ANKRD28: variants seen among roughly 807,000 people sequenced by gnomAD.
ANKRD28 encodes the protein ankyrin repeat domain 28, also known as serine/threonine-protein phosphatase 6 regulatory ankyrin repeat subunit A.
Under a neutral mutation model 126.5 loss-of-function variants are expected in ANKRD28, and 44 were observed. The observed-to-expected ratio is 0.35, with a 90% CI of 0.27 to 0.45. The LOEUF (loss-of-function observed/expected upper bound fraction) is 0.45, where lower values mean the gene tolerates loss of function less well. ANKRD28 is among the 20% of genes least tolerant of loss of function. The pLI is 1.00. For synonymous variants in ANKRD28, 442 were observed against 468.5 expected, an observed-to-expected ratio of 0.94 and a Z score of 0.73; for missense variants, 1,110 against 1,316.6, an observed-to-expected ratio of 0.84 and a Z score of 2.43.
At chr3:15,805,995 A>G (rs2060568947) in intron 1 of ANKRD28, among the ~76,000 whole-genome samples, 2 of 152,212 alleles carry the variant, frequency 1.3e-5, no homozygotes, top group South Asian at 4.1e-4. Flanking sequence ...TTTCTGAACC[A>G]TATTGGAGAC....
intron 14 of ANKRD28, among the ~76,000 whole-genome samples, chr3:15,704,080 C>G (rs2125987250): frequency 6.6e-6 from 1 of 152,222 alleles, no homozygotes; most frequent in East Asian, 1.9e-4. Context: ...ACATCCTGCT[C>G]AAAGACAGCC....
chr3:15,686,306 G>A lies in ANKRD28; in HGVS notation c.1967C>T (p.Thr656Ile), dbSNP rs776861316. 4.4e-6 allele frequency: 7 copies of A among 1,574,678 alleles called. No individual in the cohort carries two copies. The highest frequency in any genetic ancestry group is 6.0e-6 in the Non-Finnish European group (7 of 1,157,738). Residue 656 changes from threonine (T) to isoleucine (I), a missense_variant, in exon 19 of 28, where the codon ACA (threonine) becomes ATA (isoleucine). Transcript: ENST00000683139. The part of the protein sequence containing the change: ...LKRTPIHAAA[T>I]NGHSECLRLL... ...CCGTAAGCATTCTGAATGACCATTTGTTGCTGTAAAGTGAAATTTAAACAT... is the reference window on the plus strand; with the variant it reads ...CCGTAAGCATTCTGAATGACCATTTATTGCTGTAAAGTGAAATTTAAACAT...
chr3:15,743,043 CT>C (rs1372578436), intron 4 of ANKRD28, among the ~76,000 whole-genome samples: 2 of 152,092 alleles, frequency 1.3e-5, no homozygotes, highest in East Asian at 3.9e-4. Context: ...AAAAATTCTT[CT>C]GCCTTGTGAT....
chr3:15,672,934 CCTGG>C (rs569546189), intron 27 of ANKRD28, among the ~76,000 whole-genome samples: 111 of 152,322 alleles, frequency 7.3e-4, no homozygotes, highest in South Asian at 3.1e-3. Flanking sequence ...TGCCACCACA[CCTGG>C]CTAATTTTTG....
intron 7 of ANKRD28, 120 bp downstream of exon 7, chr3:15,724,262 C>A: frequency 1.2e-6 from 1 of 855,854 alleles, no homozygotes; most frequent in South Asian, 2.2e-5. Context: ...TATAAATATC[C>A]AATTAAAACA....
chr3:15,796,581 C>A lies in ANKRD28; in HGVS notation c.-60G>T. ...GATAAAAGTCACAGTTGGAAGAGCA[C>A]AAGTAGTTTTTCCTCCTCTTCTGTA... On this transcript the variant is annotated 5_prime_UTR_variant, in exon 1 of 28. Transcript: ENST00000683139. 8.2e-7 allele frequency: 1 copy of A among 1,221,792 alleles called. No individual in the cohort carries two copies. The highest frequency in any genetic ancestry group is 1.1e-6 in the Non-Finnish European group (1 of 950,176). The allele number at this position is 1,221,792 out of a possible 1,614,324, so 75.7% of individuals were successfully genotyped here.
intron 21 of ANKRD28, among the ~76,000 whole-genome samples, chr3:15,682,727 CTAGT>C (rs762348027): frequency 2.0e-5 from 3 of 152,128 alleles, no homozygotes; most frequent in Non-Finnish European, 2.9e-5. Flanking sequence ...ACAATAATTA[CTAGT>C]TAAAGTAAAA....
intron 1 of ANKRD28, among the ~76,000 whole-genome samples, chr3:15,819,138 C>T (rs571449458): frequency 7.9e-5 from 12 of 152,104 alleles, no homozygotes; most frequent in African/African-American, 2.9e-4. Context: ...ATTAAGCAGG[C>T]ATGATGGCGT....
rs61397225 is a variant in ANKRD28 at position 15,812,170 on chromosome 3, AAAACG to A, written c.28-16869_28-16865del. 0.043 allele frequency among the ~76,000 whole-genome samples: 5,433 copies of A among 126,172 alleles called. 156 individuals are homozygous for A. The highest frequency in any genetic ancestry group is 0.11 in the South Asian group (406 of 3,574). The allele number at this position is 126,172 out of a possible 152,430, so 82.8% of individuals were successfully genotyped here. Reference sequence around the variant, plus strand: ...TCTGGCAAACAAAACAAAACAAAACAAAACGAAACCCAAAACAACAATAAAATGTT... The same window carrying A: ...TCTGGCAAACAAAACAAAACAAAACAAAACCCAAAACAACAATAAAATGTT... On this transcript the variant is annotated intron_variant, in intron 1 of 27. Coordinates refer to the ANKRD28 transcript ENST00000399451. The surrounding 1 kb of genome is among the most constrained non-coding windows in gnomAD (Gnocchi z 4.1).
At chr3:15,715,881 A>C (rs1174301068) in intron 8 of ANKRD28, among the ~76,000 whole-genome samples, 2 of 152,168 alleles carry the variant, frequency 1.3e-5, no homozygotes, top group Admixed American at 6.5e-5. Flanking sequence ...AACCAGAAAA[A>C]AAAAGGGCAA....
intron 21 of ANKRD28, among the ~76,000 whole-genome samples, chr3:15,680,750 C>G (rs1284555428): frequency 6.6e-6 from 1 of 151,414 alleles, no homozygotes; most frequent in East Asian, 1.9e-4. Flanking sequence ...TCTGCAGTCT[C>G]AACCTCCTGG....
intron 2 of ANKRD28, among the ~76,000 whole-genome samples, chr3:15,771,974 T>C (rs1024759839): frequency 6.6e-6 from 1 of 152,180 alleles, no homozygotes; most frequent in African/African-American, 2.4e-5. Flanking sequence ...AGAAAACTAC[T>C]TCTAAATAAC....
chr3:15,723,040 A>G (rs1264366610), intron 7 of ANKRD28, among the ~76,000 whole-genome samples: 2 of 152,238 alleles, frequency 1.3e-5, no homozygotes, highest in East Asian at 3.8e-4. Context: ...GAGTTTACAA[A>G]TGTAACTGAC....
At chr3:15,818,321 A>C (rs1240605857) in intron 1 of ANKRD28, among the ~76,000 whole-genome samples, 1 of 152,210 alleles carries the variant, frequency 6.6e-6, no homozygotes, top group Non-Finnish European at 1.5e-5. Flanking sequence ...ATGACGCCAC[A>C]AGTGGAAAAT....
chr3:15,674,886 G>C (rs1367168254), intron 27 of ANKRD28, among the ~76,000 whole-genome samples: 3 of 152,174 alleles, frequency 2.0e-5, no homozygotes, highest in African/African-American at 7.2e-5. Context: ...AGTTAACACA[G>C]TAGAAGTCAT....
intron 8 of ANKRD28, among the ~76,000 whole-genome samples, chr3:15,718,447 C>T (rs542398353): frequency 6.6e-6 from 1 of 152,226 alleles, no homozygotes; most frequent in South Asian, 2.1e-4. Flanking sequence ...TCAAATAGGA[C>T]CACTGGTTTG....
intron 1 of ANKRD28, among the ~76,000 whole-genome samples, chr3:15,795,511 A>T (rs1204661466): frequency 6.6e-6 from 1 of 152,126 alleles, no homozygotes; most frequent in African/African-American, 2.4e-5. Flanking sequence ...AAAAAAATCA[A>T]TTCAGTTTGA....
intron 1 of ANKRD28, among the ~76,000 whole-genome samples, chr3:15,837,099 CAA>C (rs397963167): frequency 9.2e-6 from 1 of 108,564 alleles, no homozygotes. Context: ...GACTCCGTCT[CAA>C]AAAAAAAAAA....
At chr3:15,728,648 A>G (rs2074362507) in intron 6 of ANKRD28, among the ~76,000 whole-genome samples, 1 of 152,118 alleles carries the variant, frequency 6.6e-6, no homozygotes. Context: ...TGATTTGCCT[A>G]TTGCTGTATT....
Sources: allele counts gnomAD v4.1 joint callset (sites outside exome capture counted in the v4.1 genomes callset), GRCh38; gene constraint gnomAD v4.1.1; non-coding constraint Gnocchi (gnomAD v3.1); transcripts MANE v1.5; gene names NCBI Gene and HGNC (gene_info 2026-07-23, HGNC 2026-07-21).